MYO1A: variants seen among roughly 807,000 people sequenced by gnomAD.
MYO1A encodes myosin IA.
Under a neutral mutation model 138.5 loss-of-function variants are expected in MYO1A, and 127 were observed. The observed-to-expected ratio is 0.92, with a 90% confidence interval of 0.79 to 1.06. The LOEUF is 1.06. MYO1A is among the 50% of genes least tolerant of loss of function. MYO1A has a pLI of 0.00. For synonymous variants in MYO1A, 477 were observed against 497.5 expected, an observed-to-expected ratio of 0.96 and a Z score of 0.55; for missense variants, 1,211 against 1,288.8, an observed-to-expected ratio of 0.94 and a Z score of 0.92.
At position 57,043,073 on chromosome 12, in the gene MYO1A, T is replaced by C. The variant is rs573373563; in HGVS notation, c.1097A>G (p.Lys366Arg). The part of the protein sequence containing the change: ...WIVNRINESI[K>R]VGIGEKKKVM... Reference sequence around the variant, plus strand: ...GGAGAAAGCAGAGCGGCCACTTGCCTTGATGCTCTCATTGATTCGATTCAC... The same window carrying C: ...GGAGAAAGCAGAGCGGCCACTTGCCCTGATGCTCTCATTGATTCGATTCAC... Residue 366 changes from lysine to arginine, a missense_variant and splice_region_variant, in exon 12 of 28, where the codon AAG becomes AGG. Physicochemically the swap from Lys to Arg is conservative, Grantham distance 26 (BLOSUM62 2). Coordinates refer to ENST00000300119, the MANE Select transcript of MYO1A (RefSeq NM_005379.4). 21 of 1,614,174 alleles carry C rather than the reference T, an allele frequency of 1.3e-5. No homozygotes were observed. Among genetic ancestry groups the C allele is most frequent in the East Asian group, 2.2e-5 (1 of 44,880 alleles).
rs1485266988 is a variant in MYO1A, at chr12:57,037,747, AT to A, written c.1962-107del. ...CCTCCAAGAAGTGATCATTCAATTC[AT>A]TTCTCAAAGTATCCATTCACCCAGC... On this transcript the variant is annotated intron_variant, in intron 18 of 27. Transcript: ENST00000300119. 3 of 1,499,428 alleles carry A rather than the reference AT, an allele frequency of 2.0e-6. No individual in the cohort carries two copies. The African/African-American group carries it at 4.1e-5, about 21-fold the overall frequency. 92.9% of individuals were successfully genotyped at this position (1,499,428 alleles called of 1,614,324 possible).
chr12:57,044,302 C>A, intron 8 of MYO1A, 93 bp from the exon 9 acceptor site: 2 of 964,856 alleles, frequency 2.1e-6, no homozygotes, highest in Non-Finnish European at 3.2e-6. Flanking sequence ...CTAATGGATT[C>A]ATTCACTTAT....
Position 57,036,999 on chromosome 12 carries a change from G to A in MYO1A, c.2148C>T (p.His716=). The part of the protein sequence containing the change: ...KIYRGWRCRT[H]YQLMRKSQIL... ...TCTGACTCTTTCGCATCAGTTGGTA[G>A]TGGGTGCGGCAGCGCCAGCCTCGGT... is the stretch of plus-strand genomic sequence containing the variant. Residue 716 remains histidine (H), a synonymous_variant, in exon 20 of 28, where the codon CAC becomes CAT. Transcript: ENST00000300119. The A allele has an allele frequency of 6.2e-7, 1 of 1,614,210 alleles. No homozygotes were observed. Among genetic ancestry groups the A allele is most frequent in the East Asian group, 2.2e-5 (1 of 44,880 alleles).
chr12:57,044,259 G>A, intron 8 of MYO1A, 50 bp from the exon 9 acceptor site: 2 of 1,467,386 alleles, frequency 1.4e-6, no homozygotes, highest in South Asian at 1.2e-5. Flanking sequence ...GCTCTCTGGA[G>A]CCCTCCAGCC....
chr12:57,038,274 TCTGA>T (rs1487170853), intron 17 of MYO1A, 134 bp downstream of exon 17: 17 of 1,143,304 alleles, frequency 1.5e-5, no homozygotes, highest in Admixed American at 3.9e-5. Context: ...CAGCTCCTTA[TCTGA>T]CTGTTTTCTG....
chr12:57,048,492 G>C, intron 1 of MYO1A, 149 bp from the exon 2 acceptor site: 1 of 653,986 alleles, frequency 1.5e-6, no homozygotes, highest in Non-Finnish European at 2.7e-6. Flanking sequence ...GAGGCCTCTG[G>C]ACCAGCCCAA....
intron 14 of MYO1A, among the ~76,000 whole-genome samples, chr12:57,040,122 T>G (rs2030792885): frequency 6.6e-6 from 1 of 152,310 alleles, no homozygotes; most frequent in East Asian, 1.9e-4. Context: ...CTTTCCTCCC[T>G]CTATCACAGG....
chr12:57,040,374 G>A (rs547935280), intron 14 of MYO1A, among the ~76,000 whole-genome samples: 3 of 152,254 alleles, frequency 2.0e-5, no homozygotes, highest in East Asian at 1.9e-4. Context: ...TTGCATATGC[G>A]TAAGGACTTC....
rs200763429 is a variant in MYO1A, at chr12:57,046,568, T to C, written c.624A>G (p.Ala208=). The part of the protein sequence containing the change: ...FHIFYQLLAG[A]DEQLLKALKL... ...GGCACATACTCAGCAGCTGTTCATC[T>C]GCTCCAGCCAGCAGCTGATAGAAGA... The change falls in exon 8 of 28, where the codon GCA becomes GCG. Residue 208 remains alanine, a synonymous_variant. Coordinates refer to ENST00000300119, the MANE Select transcript of MYO1A (RefSeq NM_005379.4). 1 of 1,613,958 alleles carries C rather than the reference T, an allele frequency of 6.2e-7. No individual in the cohort carries two copies. The highest frequency in any genetic ancestry group is 2.2e-5 in the East Asian group (1 of 44,878).
intron 22 of MYO1A, among the ~76,000 whole-genome samples, chr12:57,035,959 C>T (rs769209438): frequency 1.3e-5 from 2 of 152,138 alleles, no homozygotes; most frequent in African/African-American, 4.8e-5. Context: ...GATCACTCTA[C>T]TCTTCAATGA....
intron 15 of MYO1A, 59 bp downstream of exon 15, chr12:57,039,153 G>A (rs2030742123): frequency 3.2e-6 from 5 of 1,577,694 alleles, no homozygotes; most frequent in Non-Finnish European, 4.4e-6. Flanking sequence ...AGAGACAGGG[G>A]AAGGATGTTC....
chr12:57,042,802 C>T (rs747120427), intron 12 of MYO1A, among the ~76,000 whole-genome samples: 24 of 152,062 alleles, frequency 1.6e-4, no homozygotes, highest in East Asian at 5.8e-4. Flanking sequence ...GACACTGAGG[C>T]CCAGAACCTT....
At chr12:57,029,951 T>C in intron 24 of MYO1A, 79 bp from the exon 25 acceptor site, 1 of 1,605,772 alleles carries the variant, frequency 6.2e-7, no homozygotes. Flanking sequence ...ATCCTAGTCC[T>C]CCCGGGCCCT....
intron 21 of MYO1A, 26 bp from the exon 22 acceptor site, chr12:57,036,407 C>A (rs371569185): frequency 9.6e-5 from 154 of 1,610,036 alleles, no homozygotes; most frequent in Non-Finnish European, 1.0e-4. Context: ...AAGAAAGGAG[C>A]CAAAGTGAAG....
In MYO1A at chr12:57,047,373, G is replaced by A. The variant is rs551620001; in HGVS notation, c.360C>T (p.Ala120=). ...ASKLVMSYVA[A]VCGKGEQVNS... is the part of the protein sequence containing the mutation. The stretch of plus-strand genomic sequence containing the variant: ...TCACCTGCTCTCCTTTCCCACAGAC[G>A]GCAGCCACATAAGACATCACCAGCT... The change falls in exon 5 of 28, where the codon GCC becomes GCT. Residue 120 remains alanine (A), a synonymous_variant. Coordinates refer to ENST00000300119, the MANE Select transcript of MYO1A (RefSeq NM_005379.4). The A allele has an allele frequency of 1.0e-4, 165 of 1,614,072 alleles. No homozygotes were observed. In the South Asian group the frequency reaches 1.6e-3, roughly 16 times the overall value.
At chr12:57,048,147 G>C (rs780553932) in intron 2 of MYO1A, 43 bp from the exon 3 acceptor site, 59 of 1,601,338 alleles carry the variant, frequency 3.7e-5, no homozygotes, top group Non-Finnish European at 5.0e-5. Context: ...TTGAGGGTGA[G>C]GTGGGAGCCT....
intron 22 of MYO1A, among the ~76,000 whole-genome samples, chr12:57,033,334 A>C (rs780947412): frequency 5.9e-5 from 9 of 152,188 alleles, no homozygotes; most frequent in Non-Finnish European, 1.3e-4. Flanking sequence ...CCAATCTAGA[A>C]CAAGGATTCT....
At chr12:57,043,555 T>C (rs2030958080) in intron 10 of MYO1A, among the ~76,000 whole-genome samples, 197 bp from the exon 11 acceptor site, 1 of 152,158 alleles carries the variant, frequency 6.6e-6, no homozygotes, top group South Asian at 2.1e-4. Flanking sequence ...TCTGGGCATT[T>C]TGCATGTATC....
intron 7 of MYO1A, 46 bp from the exon 8 acceptor site, chr12:57,046,696 C>T (rs1480970024): frequency 6.4e-7 from 1 of 1,563,464 alleles, no homozygotes; most frequent in Non-Finnish European, 8.8e-7. Flanking sequence ...CTGGGAGATG[C>T]CGTAGCTTCT....
Sources: allele counts gnomAD v4.1 joint callset (sites outside exome capture counted in the v4.1 genomes callset), GRCh38; gene constraint gnomAD v4.1.1; transcripts MANE v1.5; gene names NCBI Gene and HGNC (gene_info 2026-07-23, HGNC 2026-07-21).